The following GK5 variants were observed in gnomAD, a reference collection of about 807,000 sequenced individuals.
GK5 encodes ATP:glycerol 3-phosphotransferase 5.
Under a neutral mutation model 77.3 loss-of-function variants are expected in GK5, and 39 were observed. The observed-to-expected ratio is 0.50, with a 90% CI of 0.39 to 0.66. GK5 has a LOEUF of 0.66. Ranked by LOEUF, GK5 falls within the 30% of genes least tolerant of loss-of-function variation. GK5 has a pLI of 0.00. For synonymous variants in GK5, 211 were observed against 208.0 expected (o/e 1.01, Z -0.13); for missense variants, 487 against 633.8 (o/e 0.77, Z 2.49).
intron 1 of GK5, among the ~76,000 whole-genome samples, chr3:142,223,454 T>A (rs945107194): frequency 6.6e-6 from 1 of 152,162 alleles, no homozygotes; most frequent in Non-Finnish European, 1.5e-5. Flanking sequence ...ATAGGGATAG[T>A]GTGTGGGTGG....
chr3:142,205,025 AG>A (rs1003391648), intron 3 of GK5, among the ~76,000 whole-genome samples: 1 of 152,210 alleles, frequency 6.6e-6, no homozygotes, highest in African/African-American at 2.4e-5. Context: ...ACTAAGGAAA[AG>A]GCCTTTGAAG....
intron 12 of GK5, among the ~76,000 whole-genome samples, chr3:142,175,690 C>T (rs2063600178): frequency 6.6e-6 from 1 of 152,244 alleles, no homozygotes; most frequent in African/African-American, 2.4e-5. Flanking sequence ...CCTCTCCCAA[C>T]TGCCCTCTAC....
chr3:142,224,897 G>A lies in GK5; in HGVS notation c.147+412C>T, dbSNP rs144239126. Among the ~76,000 whole-genome samples, 572 of 152,320 alleles carry A rather than the reference G, an allele frequency of 3.8e-3. 6 individuals carry two copies. Among genetic ancestry groups the A allele is most frequent in the African/African-American group, 0.013 (548 of 41,568 alleles). On this transcript the variant is annotated intron_variant, in intron 1 of 15. Transcript: ENST00000392993. ...TAAAATGTAAATAAAGATGTGGTGG[G>A]AGATCTATCAGGGAAGTGCAGGAAG...
intron 9 of GK5, chr3:142,184,954 C>T: frequency 2.0e-6 from 2 of 985,458 alleles, no homozygotes; most frequent in Non-Finnish European, 2.4e-6. Flanking sequence ...TTGAATAAGA[C>T]CGATCCTCTC....
At chr3:142,220,908 C>T (rs1033805276) in intron 1 of GK5, among the ~76,000 whole-genome samples, 1 of 152,136 alleles carries the variant, frequency 6.6e-6, no homozygotes, top group Non-Finnish European at 1.5e-5. Flanking sequence ...AATTCCTTTC[C>T]TCCAGCCAGA....
At chr3:142,171,049 C>T (rs1321107833) in intron 14 of GK5, among the ~76,000 whole-genome samples, 2 of 151,898 alleles carry the variant, frequency 1.3e-5, no homozygotes, top group African/African-American at 2.4e-5. Context: ...GCCAACATGG[C>T]GAAACCCCAT....
intron 1 of GK5, among the ~76,000 whole-genome samples, chr3:142,219,501 T>C (rs2064314760): frequency 6.6e-6 from 1 of 152,208 alleles, no homozygotes. Context: ...ATTCCATTTA[T>C]ATGACATTCT....
rs1038583350 is a variant in GK5 at position 142,163,979 on chromosome 3, T to C, written c.*1643A>G. The C allele has an allele frequency of 5.3e-5, 8 of 152,126 alleles. No individual in the cohort carries two copies. The highest frequency in any genetic ancestry group is 1.2e-4 in the Non-Finnish European group (8 of 68,020). 9.4% of individuals were successfully genotyped at this position (152,126 alleles called of 1,614,324 possible). A position where few individuals can be genotyped will look rare whatever the true frequency, so the allele number is the denominator to read the frequency against. ...AAAAGGATGTAAACAGGGGAAAGAA[T>C]GAAAAGAATAAGATTTATCTACATA... On this transcript the variant is annotated 3_prime_UTR_variant, in exon 16 of 16. Transcript: ENST00000392993.
rs995370993 is a variant in GK5 at position 142,158,673 on chromosome 3, C to T, written c.*6949G>A. On this transcript the variant is annotated 3_prime_UTR_variant, in exon 16 of 16. Coordinates refer to ENST00000392993, the MANE Select transcript of GK5 (RefSeq NM_001039547.3). ...AAGATTATGAATTTACTGAGGCATA[C>T]AAATTGGAATCTACATTTACCATCT... 3 of 152,528 alleles carry T rather than the reference C, an allele frequency of 2.0e-5. No homozygotes were observed. The highest frequency in any genetic ancestry group is 6.5e-5 in the Admixed American group (1 of 15,272). The allele number at this position is 152,528 out of a possible 1,614,324, so 9.4% of individuals were successfully genotyped here. A position where few individuals can be genotyped will look rare whatever the true frequency, so the allele number is the denominator to read the frequency against.
At chr3:142,219,216 T>G (rs1011762832) in intron 1 of GK5, among the ~76,000 whole-genome samples, 4 of 152,154 alleles carry the variant, frequency 2.6e-5, no homozygotes, top group African/African-American at 9.7e-5. Flanking sequence ...CTAGAGAAAT[T>G]TACCCTATAA....
rs1407448771 is a variant in GK5 at position 142,159,847 on chromosome 3, C to CTTTTTTTTTTTTTTTTTTTT, written c.*5774_*5775insAAAAAAAAAAAAAAAAAAAA. Reference sequence around the variant, plus strand: ...TGGGGCTTTCTCTCTCTCTCTCTCTCTCTCTCTTTTTTTTTTTTGAGACAG... The same window carrying CTTTTTTTTTTTTTTTTTTTT: ...TGGGGCTTTCTCTCTCTCTCTCTCTCTTTTTTTTTTTTTTTTTTTTTCTCTCTTTTTTTTTTTTGAGACAG... On this transcript the variant is annotated 3_prime_UTR_variant, in exon 16 of 16. Transcript: ENST00000392993. 356 of 102,950 alleles carry CTTTTTTTTTTTTTTTTTTTT rather than the reference C, an allele frequency of 3.5e-3. 16 individuals carry two copies. Among genetic ancestry groups the CTTTTTTTTTTTTTTTTTTTT allele is most frequent in the African/African-American group, 0.013 (335 of 24,948 alleles). The allele number at this position is 102,950 out of a possible 1,614,324, so 6.4% of individuals were successfully genotyped here. A position where few individuals can be genotyped will look rare whatever the true frequency, so the allele number is the denominator to read the frequency against.
chr3:142,181,765 C>A (rs1205735229), intron 10 of GK5, among the ~76,000 whole-genome samples, 200 bp from the exon 11 acceptor site: 1 of 152,196 alleles, frequency 6.6e-6, no homozygotes, highest in Non-Finnish European at 1.5e-5. Context: ...GTTTCCTTAA[C>A]TACAAAACGG....
chr3:142,186,931 CA>C (rs1381099539), intron 6 of GK5, among the ~76,000 whole-genome samples: 4 of 152,086 alleles, frequency 2.6e-5, no homozygotes, highest in Admixed American at 1.3e-4. Context: ...GCACCTGGCC[CA>C]AAATGTGTAT....
At chr3:142,206,939 G>C (rs1364798356) in intron 3 of GK5, among the ~76,000 whole-genome samples, 1 of 152,186 alleles carries the variant, frequency 6.6e-6, no homozygotes, top group Non-Finnish European at 1.5e-5. Flanking sequence ...AGAGAAAAGG[G>C]GGAGATGTAG....
At chr3:142,196,584 T>A (rs1376505541) in intron 5 of GK5, among the ~76,000 whole-genome samples, 1 of 152,158 alleles carries the variant, frequency 6.6e-6, no homozygotes, top group Non-Finnish European at 1.5e-5. Context: ...CCTTTGGTTA[T>A]TTTTAAGTGT....
intron 3 of GK5, among the ~76,000 whole-genome samples, chr3:142,210,500 C>A (rs185299060): frequency 7.0e-4 from 107 of 152,280 alleles, no homozygotes; most frequent in African/African-American, 2.5e-3. Context: ...GCAGAATAGG[C>A]TCCGCTCCAT....
rs949834846 is a variant in GK5, at chr3:142,164,124, A to C, written c.*1498T>G. ...CCTTCATCAGAAAATTTAATAATTA[A>C]GAAGATACTTGAAGTTCATTCAAAT... On this transcript the variant is annotated 3_prime_UTR_variant, in exon 16 of 16. Transcript: ENST00000392993. 1.3e-5 allele frequency: 2 copies of C among 152,200 alleles called. No homozygotes were observed. The allele number at this position is 152,200 out of a possible 1,614,324, so 9.4% of individuals were successfully genotyped here.
At chr3:142,218,540 C>CAAA (rs569737640) in intron 1 of GK5, among the ~76,000 whole-genome samples, 1 of 58,956 alleles carries the variant, frequency 1.7e-5, no homozygotes, top group Non-Finnish European at 3.4e-5. Flanking sequence ...GGCTCCATCT[C>CAAA]AAAAAAAAAA....
chr3:142,187,333 G>C (rs538847518), intron 6 of GK5, among the ~76,000 whole-genome samples: 1 of 152,054 alleles, frequency 6.6e-6, no homozygotes, highest in Non-Finnish European at 1.5e-5. Flanking sequence ...ACCAGGTGCA[G>C]TGGCTTACGC....
Sources: gnomAD v4.1 joint callset for allele counts (sites outside exome capture counted in the v4.1 genomes callset) on GRCh38, gnomAD v4.1.1 for gene constraint, MANE v1.5 for transcripts, NCBI Gene and HGNC (gene_info 2026-07-23, HGNC 2026-07-21) for gene names.